The following NBPF12 variants were observed in gnomAD, a reference collection of about 807,000 sequenced individuals.
The protein encoded by NBPF12 is NBPF member 12.
In NBPF12, 115 loss-of-function variants were observed where a neutral mutation model predicts 146.4. That is an observed-to-expected ratio of 0.79 (90% CI 0.68 to 0.92). NBPF12 has a LOEUF of 0.92. Ranked by LOEUF, NBPF12 falls within the 40% of genes least tolerant of loss-of-function variation. NBPF12 has a pLI of 0.00. For missense variants in NBPF12, 1,205 were observed against 1,326.8 expected, an observed-to-expected ratio of 0.91 and a Z score of 1.43; for synonymous variants, 385 against 508.9, an observed-to-expected ratio of 0.76 and a Z score of 3.28.
exon 34 of NBPF12, chr1:146,994,497 C>G (rs587764085): frequency 6.2e-7 from 1 of 1,609,318 alleles, no homozygotes; most frequent in Non-Finnish European, 8.5e-7. Flanking sequence ...TTGCCCTTGA[C>G]ATGGACAATA....
chr1:146,995,635 C>T (rs1260161741), exon 34 of NBPF12: 1 of 150,442 alleles, frequency 6.6e-6, no homozygotes, highest in Non-Finnish European at 1.5e-5. Flanking sequence ...AAAATGTCTT[C>T]ATGATTAAAT....
exon 34 of NBPF12, chr1:146,994,753 T>C: frequency 3.8e-6 from 4 of 1,051,056 alleles, no homozygotes; most frequent in Admixed American, 2.8e-5. Context: ...CTGAAGACAA[T>C]GGACCCACGT....
At chr1:146,966,673 A>G (rs1656232852) in exon 9 of NBPF12, 8 of 1,328,780 alleles carry the variant, frequency 6.0e-6, no homozygotes, top group East Asian at 2.3e-5. Context: ...GAACAAATAC[A>G]GTAAGATCTA....
chr1:146,985,230 G>T (rs1320381390), intron 22 of NBPF12, among the ~76,000 whole-genome samples: 1 of 142,018 alleles, frequency 7.0e-6, no homozygotes, highest in Non-Finnish European at 1.6e-5. Flanking sequence ...CTCTCAAGAT[G>T]TTGGATCTGG....
intron 6 of NBPF12, 22 bp from the exon 10 acceptor site, chr1:146,964,335 A>G: frequency 6.3e-7 from 1 of 1,594,314 alleles, no homozygotes; most frequent in Non-Finnish European, 8.6e-7. Flanking sequence ...GACATATCTG[A>G]ATGAACATTT....
rs1427271541 is a variant in NBPF12, at chr1:146,992,198, G to C, written c.3848+152G>C. ...ATTGCTGTTGGTTTTCATTGCAGTAGATACTTAGGTTTCCATTTCTTCCTC... is the reference window on the plus strand; with the variant it reads ...ATTGCTGTTGGTTTTCATTGCAGTACATACTTAGGTTTCCATTTCTTCCTC... On this transcript the variant is annotated intron_variant, in intron 31 of 33. Transcript: ENST00000617844. Among the ~76,000 whole-genome samples, 7 of 134,066 alleles carry C rather than the reference G, an allele frequency of 5.2e-5. 1 individual carries two copies. The highest frequency in any genetic ancestry group is 9.4e-5 in the Non-Finnish European group (6 of 64,040). The allele number at this position is 134,066 out of a possible 152,430, so 88.0% of individuals were successfully genotyped here. A position where few individuals can be genotyped will look rare whatever the true frequency, so the allele number is the denominator to read the frequency against.
intron 2 of NBPF12, among the ~76,000 whole-genome samples, chr1:146,956,506 CT>C (rs1425797645): frequency 5.3e-5 from 8 of 150,980 alleles, no homozygotes; most frequent in Non-Finnish European, 1.0e-4. Context: ...GAAATTATGC[CT>C]TTATAAAGTT....
chr1:146,992,462 C>CAGTGTG (rs1553889583), intron 31 of NBPF12, among the ~76,000 whole-genome samples: 2 of 66,254 alleles, frequency 3.0e-5, no homozygotes, highest in Non-Finnish European at 5.5e-5. Flanking sequence ...CTCTCTCTCT[C>CAGTGTG]TGTGTGTGTG....
intron 2 of NBPF12, chr1:146,957,252 AG>A (rs1336369291): frequency 8.7e-6 from 1 of 114,528 alleles, no homozygotes; most frequent in African/African-American, 3.1e-5. Flanking sequence ...GAAGGAACAA[AG>A]GAGGTCAGTA....
chr1:146,943,667 C>G, intron 2 of NBPF12, 105 bp downstream of exon 2: 2 of 690,848 alleles, frequency 2.9e-6, no homozygotes, highest in Non-Finnish European at 3.9e-6. Flanking sequence ...CATCACAGGG[C>G]CTTGCGTGGC....
chr1:146,953,557 G>A (rs1337607483), intron 2 of NBPF12, among the ~76,000 whole-genome samples: 19 of 146,260 alleles, frequency 1.3e-4, no homozygotes, highest in African/African-American at 3.3e-4. Context: ...CAGGGCAAAA[G>A]AGAAAAACCG....
At chr1:146,972,427 T>C (rs1570865280) in intron 13 of NBPF12, among the ~76,000 whole-genome samples, 1 of 151,038 alleles carries the variant, frequency 6.6e-6, no homozygotes, top group Non-Finnish European at 1.5e-5. Context: ...AAGAAAAAAA[T>C]TAAAAAAGCA....
rs1656067077 is a variant in NBPF12 at position 146,964,529 on chromosome 1, T to A, written c.566+100T>A. On this transcript the variant is annotated intron_variant, in intron 7 of 33. Transcript: ENST00000617844. ...ATCTATGGTGGGCCAAAAGCCCGCA[T>A]TCCCTTGGCCACAGTATGTGAAATT... 8 of 1,567,694 alleles carry A rather than the reference T, an allele frequency of 5.1e-6. No individual in the cohort carries two copies. The South Asian group carries it at 7.8e-5, about 15-fold the overall frequency.
chr1:146,965,775 G>C (rs1188754740), intron 8 of NBPF12, among the ~76,000 whole-genome samples: 3 of 110,410 alleles, frequency 2.7e-5, no homozygotes, highest in Non-Finnish European at 5.1e-5. Context: ...CTGGGAGACA[G>C]AGCGAGACTG....
intron 2 of NBPF12, among the ~76,000 whole-genome samples, chr1:146,953,432 T>C (rs1655409730): frequency 7.5e-6 from 1 of 133,898 alleles, no homozygotes; most frequent in Non-Finnish European, 1.6e-5. Flanking sequence ...AAGCCTTCAA[T>C]GCTGCCACAA....
At position 146,985,934 on chromosome 1, in the gene NBPF12, G is replaced by A. The variant is rs1251690264; in HGVS notation, c.2891+178G>A. Among the ~76,000 whole-genome samples, 919 of 145,852 alleles carry A rather than the reference G, an allele frequency of 6.3e-3. 41 individuals are homozygous for A. Among genetic ancestry groups the A allele is most frequent in the African/African-American group, 0.02 (795 of 39,044 alleles). Reference sequence around the variant, plus strand: ...TAGGTTTCCATTTCTTCCTCCCCTTGTCATTTACTAACTTACTATAGGTTG... The same window carrying A: ...TAGGTTTCCATTTCTTCCTCCCCTTATCATTTACTAACTTACTATAGGTTG... On this transcript the variant is annotated intron_variant, in intron 23 of 33. Transcript: ENST00000617844.
At chr1:146,971,123 T>A in intron 12 of NBPF12, 60 bp from the exon 16 acceptor site, 3 of 1,607,266 alleles carry the variant, frequency 1.9e-6, no homozygotes, top group South Asian at 2.2e-5. Flanking sequence ...CTAGGACTCC[T>A]TGGGGTCCAA....
At chr1:146,966,278 G>A (rs1372715092) in intron 8 of NBPF12, among the ~76,000 whole-genome samples, 186 bp from the exon 12 acceptor site, 7 of 151,928 alleles carry the variant, frequency 4.6e-5, no homozygotes, top group Non-Finnish European at 8.8e-5. Flanking sequence ...TGCTTTAAAG[G>A]TGACTGCATA....
chr1:146,952,366 C>T (rs2101826207), intron 2 of NBPF12, among the ~76,000 whole-genome samples: 1 of 152,210 alleles, frequency 6.6e-6, no homozygotes, highest in African/African-American at 2.4e-5. Flanking sequence ...CTTGCATCGT[C>T]CCTCAGCCTG....
Sources: allele counts gnomAD v4.1 joint callset (sites outside exome capture counted in the v4.1 genomes callset), GRCh38; gene constraint gnomAD v4.1.1; transcripts MANE v1.5; gene names NCBI Gene and HGNC (gene_info 2026-07-23, HGNC 2026-07-21).